The following RPS6KC1 variants were observed in gnomAD, a reference collection of about 807,000 sequenced individuals.
The protein encoded by RPS6KC1 is ribosomal protein S6 kinase C1.
In RPS6KC1, 54 loss-of-function variants were observed where a neutral mutation model predicts 103.8. The observed-to-expected ratio is 0.52, with a 90% CI of 0.42 to 0.65. RPS6KC1 has a LOEUF of 0.65. RPS6KC1 is among the 30% of genes least tolerant of loss of function. The pLI is 0.00. For synonymous variants in RPS6KC1, 439 were observed against 438.7 expected, an observed-to-expected ratio of 1.00 and a Z score of -0.01; for missense variants, 1,151 against 1,253.8, an observed-to-expected ratio of 0.92 and a Z score of 1.24.
At chr1:213,472,300 T>C in the RPS6KC1 span, among the ~76,000 whole-genome samples, 140 of 152,376 alleles carry the variant, frequency 9.2e-4, no homozygotes, top group Middle Eastern at 0.01. Flanking sequence ...ATTTCTATTA[T>C]GGTGAACATA....
the RPS6KC1 span, among the ~76,000 whole-genome samples, chr1:213,593,031 G>A: frequency 1.3e-5 from 2 of 148,216 alleles, no homozygotes; most frequent in East Asian, 4.1e-4. Flanking sequence ...AACCAACCAA[G>A]CAAGGATCCA....
In RPS6KC1 at chr1:213,077,717, A is replaced by G. The variant is rs373067977; in HGVS notation, c.163A>G (p.Ser55Gly). ...CTAGATAATTGTATGGAAGAGATACAGTGATTTTAAGAAACTACACAAAGA... is the reference window on the plus strand; with the variant it reads ...CTAGATAATTGTATGGAAGAGATACGGTGATTTTAAGAAACTACACAAAGA... ...VQEIIVWKRYSDFKKLHKELW... is the reference protein window; with the variant it reads ...VQEIIVWKRYGDFKKLHKELW... Residue 55 changes from serine to glycine, a missense_variant, in exon 3 of 15, where the codon AGT becomes GGT. Physicochemically the swap from Ser to Gly is moderately conservative, Grantham distance 56. This residue lies in a region of RPS6KC1 where 959 missense variants were observed against 1,006.3 expected (regional missense o/e 0.95). Transcript: ENST00000366960. 12 of 1,483,414 alleles carry G rather than the reference A, an allele frequency of 8.1e-6. No homozygotes were observed. In the African/African-American group the frequency reaches 1.4e-4, roughly 17 times the overall value. 91.9% of individuals were successfully genotyped at this position (1,483,414 alleles called of 1,614,324 possible). A position where few individuals can be genotyped will look rare whatever the true frequency, so the allele number is the denominator to read the frequency against.
the RPS6KC1 span, among the ~76,000 whole-genome samples, chr1:213,790,412 A>G: frequency 1.3e-5 from 2 of 152,166 alleles, no homozygotes; most frequent in Non-Finnish European, 1.5e-5. Context: ...TAGAGGCACA[A>G]TGGAGTACAC....
At chr1:213,214,262 C>T (rs751721474) in intron 8 of RPS6KC1, among the ~76,000 whole-genome samples, 8 of 152,254 alleles carry the variant, frequency 5.3e-5, no homozygotes, top group Middle Eastern at 3.2e-3. Flanking sequence ...CCTACGTACA[C>T]GGAGCTTCGC....
chr1:213,271,763 CAAAA>C (rs58938920), intron 14 of RPS6KC1, among the ~76,000 whole-genome samples: 1 of 114,798 alleles, frequency 8.7e-6, no homozygotes, highest in African/African-American at 3.4e-5. Context: ...AACTCCGTCT[CAAAA>C]AAAAAAAAAA....
chr1:213,488,270 G>A, the RPS6KC1 span, among the ~76,000 whole-genome samples: 32 of 152,210 alleles, frequency 2.1e-4, no homozygotes, highest in African/African-American at 7.2e-4. Flanking sequence ...ACAACACAAT[G>A]TAGCTGAACT....
the RPS6KC1 span, among the ~76,000 whole-genome samples, chr1:213,342,600 C>T: frequency 6.6e-6 from 1 of 152,072 alleles, no homozygotes; most frequent in South Asian, 2.1e-4. Context: ...TAACTATAGC[C>T]ATTGGCCAGC....
chr1:213,681,103 C>T, the RPS6KC1 span, among the ~76,000 whole-genome samples: 685 of 152,284 alleles, frequency 4.5e-3, 2 homozygotes, highest in Non-Finnish European at 7.3e-3. Context: ...ATGTTCCAGG[C>T]GTGGCCTGTG....
the RPS6KC1 span, among the ~76,000 whole-genome samples, chr1:213,673,884 A>G: frequency 5.9e-5 from 9 of 152,198 alleles, no homozygotes; most frequent in African/African-American, 2.2e-4. Flanking sequence ...TAGGTTTGTT[A>G]CATTGGTATA....
rs1240688926 is a variant in RPS6KC1 at position 213,144,891 on chromosome 1, A to G, written c.835+15002A>G. On this transcript the variant is annotated intron_variant, in intron 6 of 14. Transcript: ENST00000366960. ...GGAGATCGAGACCATCCTGGCCAAC[A>G]TGGTGAAAACCCATCTCTACTAAAA... 2.6e-5 allele frequency among the ~76,000 whole-genome samples: 4 copies of G among 152,158 alleles called. No individual in the cohort carries two copies. In the South Asian group the frequency reaches 8.3e-4, roughly 32 times the overall value.
chr1:213,647,171 A>C, the RPS6KC1 span, among the ~76,000 whole-genome samples: 1 of 152,088 alleles, frequency 6.6e-6, no homozygotes, highest in Non-Finnish European at 1.5e-5. Flanking sequence ...TCTGCCTCCC[A>C]TAGTGCTGTG....
chr1:213,456,471 C>A, the RPS6KC1 span, among the ~76,000 whole-genome samples: 2 of 152,096 alleles, frequency 1.3e-5, no homozygotes, highest in African/African-American at 2.4e-5. Context: ...AACGTATCTT[C>A]ATTTGTCGCC....
the RPS6KC1 span, among the ~76,000 whole-genome samples, chr1:213,579,428 A>G: frequency 6.6e-6 from 1 of 152,256 alleles, no homozygotes; most frequent in Non-Finnish European, 1.5e-5. Flanking sequence ...AGCCACCTCT[A>G]TAACAAAAAA....
At chr1:213,133,249 A>C (rs1553338466) in intron 6 of RPS6KC1, among the ~76,000 whole-genome samples, 1 of 152,142 alleles carries the variant, frequency 6.6e-6, no homozygotes, top group Non-Finnish European at 1.5e-5. Flanking sequence ...TTTCCTGTCC[A>C]TCTTGTTTAT....
At chr1:213,744,000 C>A in the RPS6KC1 span, among the ~76,000 whole-genome samples, 1 of 152,036 alleles carries the variant, frequency 6.6e-6, no homozygotes, top group Admixed American at 6.6e-5. Flanking sequence ...GAGTTAGAGA[C>A]CATTATTCTA....
At chr1:213,495,541 C>T in the RPS6KC1 span, among the ~76,000 whole-genome samples, 7 of 152,208 alleles carry the variant, frequency 4.6e-5, no homozygotes, top group East Asian at 1.9e-4. Context: ...AGGCTGGTCT[C>T]GAACTCCTGA....
At chr1:213,332,865 C>T in the RPS6KC1 span, among the ~76,000 whole-genome samples, 5 of 152,260 alleles carry the variant, frequency 3.3e-5, no homozygotes, top group Admixed American at 6.5e-5. Context: ...ACAAGCCCCT[C>T]AGTGGCTTTT....
At chr1:213,423,921 GTT>G in the RPS6KC1 span, among the ~76,000 whole-genome samples, 4 of 152,204 alleles carry the variant, frequency 2.6e-5, no homozygotes, top group Non-Finnish European at 4.4e-5. Context: ...ATACACGCGA[GTT>G]TGCCAACTTT....
the RPS6KC1 span, among the ~76,000 whole-genome samples, chr1:213,446,203 G>A: frequency 6.6e-6 from 1 of 152,216 alleles, no homozygotes. Flanking sequence ...GGTGTCCAGT[G>A]CTGCAAAGGG....
Sources: gnomAD v4.1 joint callset for allele counts (sites outside exome capture counted in the v4.1 genomes callset) on GRCh38, gnomAD v4.1.1 for gene constraint, gnomAD v4.1.1 regional missense constraint, MANE v1.5 for transcripts, NCBI Gene and HGNC (gene_info 2026-07-23, HGNC 2026-07-21) for gene names.